The following PDE4C variants were observed in gnomAD, a reference collection of about 807,000 sequenced individuals.
PDE4C encodes 3',5'-cyclic-AMP phosphodiesterase 4C.
PDE4C carries 50 observed loss-of-function variants against 63.9 expected under a neutral mutation model. The ratio of observed to expected loss-of-function variants is 0.78; its 90% confidence interval spans 0.62 to 0.99. The LOEUF is 0.99. Ranked by LOEUF, PDE4C falls within the 50% of genes least tolerant of loss-of-function variation. PDE4C has a pLI of 0.00. For missense variants in PDE4C, 777 were observed against 899.1 expected (o/e 0.86, Z 1.74); for synonymous variants, 377 against 385.1 (o/e 0.98, Z 0.25).
upstream of PDE4C, among the ~76,000 whole-genome samples, chr19:18,229,392 C>A (rs1445340893): frequency 6.6e-6 from 1 of 152,094 alleles, no homozygotes; most frequent in Non-Finnish European, 1.5e-5. Context: ...AGGCATCTGC[C>A]ACCACGCCCA....
rs776175326 is a variant in PDE4C at position 18,220,293 on chromosome 19, C to T, written c.639G>A (p.Leu213=). The T allele has an allele frequency of 5.0e-6, 8 of 1,614,102 alleles. No individual in the cohort carries two copies. In the South Asian group the frequency reaches 8.8e-5, roughly 18 times the overall value. Residue 213 remains leucine (L), a synonymous_variant, in exon 7 of 15, where the codon TTG becomes TTA. Coordinates refer to ENST00000262805, the Ensembl canonical transcript of PDE4C. The surrounding 1 kb of genome is among the most constrained non-coding windows in gnomAD (Gnocchi z 5.1). Reference sequence around the variant, plus strand: ...AGCGGCTGGTTTCGGACAGGTGGGTCAACTCCCGGTTCAGGATCCGCTTGA... The same window carrying T: ...AGCGGCTGGTTTCGGACAGGTGGGTTAACTCCCGGTTCAGGATCCGCTTGA...
At position 18,223,506 on chromosome 19, in the gene PDE4C, G is replaced by A. The variant is rs1208191083; in HGVS notation, c.147-1183C>T. On this transcript the variant is annotated intron_variant, in intron 1 of 14. Transcript: ENST00000262805. The stretch of plus-strand genomic sequence containing the variant: ...ATTACAGGCGTGAGCCACCGTGCCC[G>A]GCCAAAGTTTTGTATTTTTACTAGA... Among the ~76,000 whole-genome samples the A allele has an allele frequency of 5.3e-5, 8 of 152,082 alleles. 1 individual carries two copies. Among genetic ancestry groups the A allele is most frequent in the Admixed American group, 4.6e-4 (7 of 15,264 alleles).
At chr19:18,243,627 A>G (rs1969080909) in intron 1 of PDE4C, among the ~76,000 whole-genome samples, 1 of 152,172 alleles carries the variant, frequency 6.6e-6, no homozygotes, top group South Asian at 2.1e-4. Context: ...ACCTGGCTCA[A>G]CTGAAGGTGA....
chr19:18,247,023 G>C (rs1377027181), intron 1 of PDE4C, among the ~76,000 whole-genome samples: 2 of 152,212 alleles, frequency 1.3e-5, no homozygotes, highest in Non-Finnish European at 2.9e-5. Context: ...GCCCCCGCAG[G>C]GTTTTCCTCT....
chr19:18,221,068 C>T, intron 4 of PDE4C, 37 bp downstream of exon 4: 1 of 1,344,506 alleles, frequency 7.4e-7, no homozygotes, highest in Non-Finnish European at 1.0e-6. Flanking sequence ...CTTGTCTCTG[C>T]CGGCCCCGCC....
chr19:18,232,406 T>C (rs1050546979), intron 1 of PDE4C, among the ~76,000 whole-genome samples: 7 of 149,748 alleles, frequency 4.7e-5, no homozygotes, highest in Admixed American at 1.3e-4. Context: ...TGTGTGTGTG[T>C]GTGCGTGTGT....
At chr19:18,211,878 G>A (rs146406381) in exon 14 of PDE4C, 58 of 1,614,090 alleles carry the variant, frequency 3.6e-5, no homozygotes, top group Non-Finnish European at 4.7e-5. Context: ...GTCCACTGGC[G>A]GTACAGGGGC....
At chr19:18,216,287 C>A (rs1253148397) in intron 12 of PDE4C, among the ~76,000 whole-genome samples, 1 of 147,566 alleles carries the variant, frequency 6.8e-6, no homozygotes, top group Non-Finnish European at 1.5e-5. Context: ...GAGATGGAGT[C>A]TCACTCTGTT....
chr19:18,233,333 G>A (rs943446621), exon 1 of PDE4C: 11 of 1,179,036 alleles, frequency 9.3e-6, no homozygotes, highest in Non-Finnish European at 1.1e-5. Context: ...AGGTGCTGAA[G>A]CGGTAGAAGG....
chr19:18,235,525 C>T (rs548256890), upstream of PDE4C, among the ~76,000 whole-genome samples: 17 of 152,276 alleles, frequency 1.1e-4, no homozygotes, highest in Non-Finnish European at 2.1e-4. Flanking sequence ...TTCTCTCCAG[C>T]CCATGGCTCC....
chr19:18,242,387 A>C (rs1969056380), intron 1 of PDE4C, among the ~76,000 whole-genome samples: 1 of 145,734 alleles, frequency 6.9e-6, no homozygotes, highest in Admixed American at 7.2e-5. Flanking sequence ...GAGGGAAGAT[A>C]ATTGTTTATG....
chr19:18,242,671 G>A (rs936569549), intron 1 of PDE4C, among the ~76,000 whole-genome samples: 24 of 151,374 alleles, frequency 1.6e-4, no homozygotes, highest in Non-Finnish European at 1.5e-5. Context: ...AGTAATCCCA[G>A]CTACTTGGGA....
At chr19:18,244,554 C>T (rs1969098174) in intron 1 of PDE4C, among the ~76,000 whole-genome samples, 1 of 152,094 alleles carries the variant, frequency 6.6e-6, no homozygotes, top group Admixed American at 6.6e-5. Flanking sequence ...CTCTTGTCAC[C>T]CAGGCTGGAG....
At chr19:18,212,675 G>A (rs1345675633) in intron 13 of PDE4C, among the ~76,000 whole-genome samples, 1 of 149,838 alleles carries the variant, frequency 6.7e-6, no homozygotes, top group Non-Finnish European at 1.5e-5. Context: ...GGCTAAAATT[G>A]TTTTTGTTTG....
chr19:18,242,439 G>C (rs11880714), intron 1 of PDE4C, among the ~76,000 whole-genome samples: 2,456 of 120,194 alleles, frequency 0.02, 80 homozygotes, highest in African/African-American at 0.074. Flanking sequence ...TTGCACTGTT[G>C]CACTCTGGCC....
intron 10 of PDE4C, 25 bp from the exon 11 acceptor site, chr19:18,218,273 G>A (rs1363645516): frequency 6.2e-7 from 1 of 1,613,776 alleles, no homozygotes. Flanking sequence ...GGCACAGGCG[G>A]TGAGGGGCGG....
chr19:18,222,308 A>G, exon 2 of PDE4C: 1 of 1,610,300 alleles, frequency 6.2e-7, no homozygotes, highest in Middle Eastern at 1.8e-4. Flanking sequence ...ACGAGAGCCC[A>G]TTTTCCAGGT....
chr19:18,213,587 C>T (rs944646743), intron 12 of PDE4C, 97 bp from the exon 13 acceptor site: 1 of 1,331,916 alleles, frequency 7.5e-7, no homozygotes, highest in African/African-American at 1.5e-5. Context: ...AGACTCAGCC[C>T]TCTGGGCCTC....
chr19:18,235,361 C>A (rs187976204), upstream of PDE4C, among the ~76,000 whole-genome samples: 1 of 152,160 alleles, frequency 6.6e-6, no homozygotes. Context: ...AGTAGAGACG[C>A]AGTTTCACCA....
Sources: allele counts gnomAD v4.1 joint callset (sites outside exome capture counted in the v4.1 genomes callset), GRCh38; gene constraint gnomAD v4.1.1; non-coding constraint Gnocchi (gnomAD v3.1); transcripts MANE v1.5; gene names NCBI Gene and HGNC (gene_info 2026-07-23, HGNC 2026-07-21).